Variants in CHAT observed in about 807,000 individuals in gnomAD.
CHAT encodes the protein choline O-acetyltransferase.
A neutral mutation model predicts 76.9 loss-of-function variants in CHAT; 61 were observed. That is an observed-to-expected ratio of 0.79 (90% CI 0.65 to 0.98). CHAT has a LOEUF of 0.98. Ranked by LOEUF, CHAT falls within the 50% of genes least tolerant of loss-of-function variation. The pLI, the probability that CHAT is intolerant of heterozygous loss-of-function variation, is 0.00. For missense variants in CHAT, 946 were observed against 986.9 expected (o/e 0.96, Z 0.56); for synonymous variants, 407 against 397.4 (o/e 1.02, Z -0.29).
At chr10:49,611,722 G>C, upstream of CHAT, 1 of 1,606,586 alleles carries the variant, frequency 6.2e-7, no homozygotes, top group South Asian at 1.1e-5. Flanking sequence ...GTGGGAGATG[G>C]GCATGGCCTG....
intron 11 of CHAT, among the ~76,000 whole-genome samples, chr10:49,654,215 T>C (rs927650446): frequency 3.2e-4 from 48 of 152,086 alleles, no homozygotes; most frequent in African/African-American, 1.1e-3. Flanking sequence ...TACAGGAAGG[T>C]CATTCCCTTG....
chr10:49,651,513 G>A (rs1381598713), intron 10 of CHAT, among the ~76,000 whole-genome samples: 1 of 152,228 alleles, frequency 6.6e-6, no homozygotes, highest in Non-Finnish European at 1.5e-5. Context: ...TCTCAGTGCA[G>A]ACTTGGAAAA....
At position 49,662,054 on chromosome 10, in the gene CHAT, T is replaced by G. The variant is rs186930314; in HGVS notation, c.1840-591T>G. Among the ~76,000 whole-genome samples the G allele has an allele frequency of 5.6e-3, 849 of 152,356 alleles. 9 individuals are homozygous for G. The highest frequency in any genetic ancestry group is 0.02 in the African/African-American group (813 of 41,580). ...GATTTCTTAGATTATGGATCCAGTT[T>G]AAATGAATTGATCCTGAGCCATGAA... On this transcript the variant is annotated intron_variant, in intron 13 of 14. Transcript: ENST00000337653.
intron 7 of CHAT, among the ~76,000 whole-genome samples, chr10:49,643,798 C>A (rs1236073550): frequency 6.6e-6 from 1 of 152,210 alleles, no homozygotes; most frequent in Non-Finnish European, 1.5e-5. Context: ...TTTGCCCAGG[C>A]CAAGGGAAGC....
Position 49,625,518 on chromosome 10 carries a change from G to A in CHAT, c.798G>A (p.Gln266=), listed in dbSNP as rs142237923. The A allele has an allele frequency of 1.2e-6, 2 of 1,613,174 alleles. No homozygotes were observed. Among genetic ancestry groups the A allele is most frequent in the African/African-American group, 2.7e-5 (2 of 74,906 alleles). Reference sequence around the variant, plus strand: ...GTGCCAAAGGCCAGCTGTCAGGGCAGCCCCTTTGCATGAAGCAATACTATG... The same window carrying A: ...GTGCCAAAGGCCAGCTGTCAGGGCAACCCCTTTGCATGAAGCAATACTATG... The part of the protein sequence containing the change: ...TDCAKGQLSG[Q]PLCMKQYYGL... Residue 266 remains glutamine, a synonymous_variant, in exon 6 of 15, where the codon CAG becomes CAA. Transcript: ENST00000337653.
chr10:49,614,592 C>T, intron 1 of CHAT, 117 bp downstream of exon 1: 9 of 913,064 alleles, frequency 9.9e-6, no homozygotes, highest in Non-Finnish European at 1.5e-5. Flanking sequence ...TCGTGGAGTC[C>T]TCTGAGTCCT....
upstream of CHAT, chr10:49,610,629 T>G: frequency 1.8e-6 from 2 of 1,102,776 alleles, no homozygotes; most frequent in Non-Finnish European, 2.4e-6. Context: ...CACAGGGGAG[T>G]CTGCTCGGCC....
Position 49,646,756 on chromosome 10 carries a change from C to T in CHAT, c.1281+82C>T, listed in dbSNP as rs528585961. The T allele has an allele frequency of 1.4e-4, 202 of 1,479,810 alleles. No individual in the cohort carries two copies. In the Middle Eastern group the frequency reaches 1.9e-3, roughly 14 times the overall value. 91.7% of individuals were successfully genotyped at this position (1,479,810 alleles called of 1,614,324 possible). A position where few individuals can be genotyped will look rare whatever the true frequency, so the allele number is the denominator to read the frequency against. ...GTAGGCAAGCGGGCACAGCCTGGTG[C>T]CCAGGCCCGCACGTGCTTGTGTCTG... is the stretch of plus-strand genomic sequence containing the variant. On this transcript the variant is annotated intron_variant, in intron 8 of 14. Transcript: ENST00000337653.
intron 7 of CHAT, among the ~76,000 whole-genome samples, chr10:49,638,794 T>C (rs536132320): frequency 6.6e-6 from 1 of 152,338 alleles, no homozygotes; most frequent in African/African-American, 2.4e-5. Flanking sequence ...TTTATGATTT[T>C]TGCTTCAACA....
At chr10:49,656,395 C>T (rs1349424435) in intron 13 of CHAT, among the ~76,000 whole-genome samples, 1 of 149,222 alleles carries the variant, frequency 6.7e-6, no homozygotes, top group Non-Finnish European at 1.5e-5. Context: ...AGGGAGGTTA[C>T]CATGTAGTTG....
chr10:49,624,592 C>T (rs1361887716), intron 5 of CHAT, among the ~76,000 whole-genome samples: 2 of 152,250 alleles, frequency 1.3e-5, no homozygotes, highest in African/African-American at 2.4e-5. Flanking sequence ...CTAGGACTTA[C>T]ACCCCAGTAG....
At chr10:49,642,060 G>A (rs1638615668) in intron 7 of CHAT, among the ~76,000 whole-genome samples, 1 of 152,074 alleles carries the variant, frequency 6.6e-6, no homozygotes, top group African/African-American at 2.4e-5. Flanking sequence ...TCCCTCCTTG[G>A]GCATGGGTGT....
chr10:49,617,009 C>T (rs892522045), intron 2 of CHAT, among the ~76,000 whole-genome samples: 2 of 152,176 alleles, frequency 1.3e-5, no homozygotes, highest in Non-Finnish European at 2.9e-5. Context: ...AGCCTTGGAG[C>T]CTTAGGCACC....
At chr10:49,609,780 G>A (rs1193939334), upstream of CHAT, among the ~76,000 whole-genome samples, 1 of 152,140 alleles carries the variant, frequency 6.6e-6, no homozygotes, top group Non-Finnish European at 1.5e-5. Flanking sequence ...AAGGGTTGGG[G>A]GTGTCCGTGT....
intron 7 of CHAT, among the ~76,000 whole-genome samples, chr10:49,633,620 C>G (rs982315270): frequency 2.0e-5 from 3 of 152,196 alleles, no homozygotes; most frequent in African/African-American, 7.2e-5. Context: ...GAAGCTGTGG[C>G]CTTCCTGAAC....
chr10:49,662,166 G>A (rs1276331487), intron 13 of CHAT, among the ~76,000 whole-genome samples: 1 of 152,174 alleles, frequency 6.6e-6, no homozygotes. Flanking sequence ...GACAGCGCTG[G>A]TTGTGGTGGG....
At chr10:49,615,479 T>C (rs889659491) in intron 1 of CHAT, among the ~76,000 whole-genome samples, 3 of 152,186 alleles carry the variant, frequency 2.0e-5, no homozygotes, top group Non-Finnish European at 4.4e-5. Flanking sequence ...TTCTGGACTC[T>C]CTGTTCCTGG....
chr10:49,619,688 T>C, intron 2 of CHAT, 37 bp from the exon 3 acceptor site: 2 of 1,595,306 alleles, frequency 1.3e-6, no homozygotes, highest in Non-Finnish European at 1.7e-6. Context: ...GGGGCGCACA[T>C]ACTAGAGGCA....
intron 7 of CHAT, among the ~76,000 whole-genome samples, chr10:49,641,636 G>T (rs1839484271): frequency 6.6e-6 from 1 of 151,996 alleles, no homozygotes; most frequent in African/African-American, 2.4e-5. Context: ...CCTCCCAAAA[G>T]AAAAAAGTAC....
Sources: gnomAD v4.1 joint callset for allele counts (sites outside exome capture counted in the v4.1 genomes callset) on GRCh38, gnomAD v4.1.1 for gene constraint, MANE v1.5 for transcripts, NCBI Gene and HGNC (gene_info 2026-07-23, HGNC 2026-07-21) for gene names.